The following SEC24B variants were observed in gnomAD, a reference collection of about 807,000 sequenced individuals.
The protein encoded by SEC24B is protein transport protein Sec24B.
SEC24B carries 45 observed loss-of-function variants against 142.8 expected under a neutral mutation model. The ratio of observed to expected loss-of-function variants is 0.32; its 90% CI spans 0.25 to 0.40. The LOEUF (loss-of-function observed/expected upper bound fraction) is 0.40, where lower values mean the gene tolerates loss of function less well. Among genes scored for constraint, SEC24B ranks in the 10% least tolerant of loss-of-function variants. The pLI is 1.00. For synonymous variants in SEC24B, 574 were observed against 568.2 expected (o/e 1.01, Z -0.15); for missense variants, 1,409 against 1,526.8 (o/e 0.92, Z 1.29).
At chr4:109,517,170 A>T (rs1723026189) in intron 11 of SEC24B, among the ~76,000 whole-genome samples, 1 of 152,238 alleles carries the variant, frequency 6.6e-6, no homozygotes, top group South Asian at 2.1e-4. Flanking sequence ...CTGCACTCCC[A>T]TGTTTATTGT....
At chr4:109,469,431 C>T (rs541726862) in intron 2 of SEC24B, among the ~76,000 whole-genome samples, 4 of 152,152 alleles carry the variant, frequency 2.6e-5, no homozygotes, top group African/African-American at 7.2e-5. Flanking sequence ...ATAAAGTTTG[C>T]AATTCACTTA....
Position 109,533,618 on chromosome 4 carries a change from G to C in SEC24B, c.3521G>C (p.Gly1174Ala), listed in dbSNP as rs1430970756. The change falls in exon 22 of 24, where the codon GGC (glycine) becomes GCC (alanine). Residue 1174 changes from glycine (G) to alanine (A), a missense_variant. Gly to Ala is a moderately conservative substitution (Grantham distance 60). Transcript: ENST00000265175. ...GTTTTTTACATTTGGGTTGGGAAAG[G>C]CTGTGACAATAACTTCATAGAGGAT... The part of the protein sequence containing the change: ...GSVFYIWVGK[G>A]CDNNFIEDVL... 2 of 1,610,918 alleles carry C rather than the reference G, an allele frequency of 1.2e-6. No individual in the cohort carries two copies.
At chr4:109,506,920 G>T (rs895099178) in intron 7 of SEC24B, among the ~76,000 whole-genome samples, 2 of 152,038 alleles carry the variant, frequency 1.3e-5, no homozygotes, top group African/African-American at 4.8e-5. Context: ...TCAAGAACAG[G>T]TTTAGATAAA....
At chr4:109,516,950 T>A (rs1026713531) in intron 11 of SEC24B, among the ~76,000 whole-genome samples, 1 of 152,094 alleles carries the variant, frequency 6.6e-6, no homozygotes, top group African/African-American at 2.4e-5. Flanking sequence ...GGAATCTGGA[T>A]GAGACTATCA....
chr4:109,516,636 G>C lies in SEC24B; in HGVS notation c.2122G>C (p.Asp708His). Residue 708 changes from aspartate to histidine, a missense_variant, in exon 11 of 24, where the codon GAC (aspartate) becomes CAC (histidine). Physicochemically the swap from Asp to His is moderately conservative, Grantham distance 81. Transcript: ENST00000265175. ...ILCQSLLENL[D>H]KLPGDSRTRI... ...GTGCCAGTCACTCCTAGAAAATCTA[G>C]ACAAGTAAGAATATTTTTAATTCAT... The C allele has an allele frequency of 6.5e-7, 1 of 1,548,680 alleles. No individual in the cohort carries two copies. The highest frequency in any genetic ancestry group is 1.4e-5 in the African/African-American group (1 of 73,438).
intron 7 of SEC24B, among the ~76,000 whole-genome samples, chr4:109,509,168 G>T (rs1412265326): frequency 1.3e-5 from 2 of 152,112 alleles, no homozygotes; most frequent in Non-Finnish European, 2.9e-5. Context: ...GGAATAAAAG[G>T]GTTCCAACCT....
intron 1 of SEC24B, among the ~76,000 whole-genome samples, chr4:109,434,369 C>T (rs1301741636): frequency 6.6e-6 from 1 of 152,150 alleles, no homozygotes; most frequent in Non-Finnish European, 1.5e-5. Context: ...AGCCTGGACG[C>T]GGGCGAGTTG....
chr4:109,460,740 T>C (rs1367209116), intron 1 of SEC24B, among the ~76,000 whole-genome samples: 1 of 151,134 alleles, frequency 6.6e-6, no homozygotes, highest in African/African-American at 2.4e-5. Flanking sequence ...TTTAGAACAG[T>C]GAATGGCATA....
Position 109,494,673 on chromosome 4 carries a change from T to G in SEC24B, c.1305T>G (p.Pro435=). The change falls in exon 6 of 24, where the codon CCT becomes CCG. Residue 435 remains proline, a synonymous_variant. Coordinates refer to ENST00000265175, the MANE Select transcript of SEC24B (RefSeq NM_006323.5). ...CTGATCCCGCCCCTGAACCTGATCC[T>G]GCTTCTGCTCCAGCTCCAGCTTCAG... is the stretch of plus-strand genomic sequence containing the variant. The part of the protein sequence containing the change: ...PAPDPAPEPD[P]ASAPAPASAP... The G allele has an allele frequency of 1.9e-6, 3 of 1,613,920 alleles. No individual in the cohort carries two copies. The highest frequency in any genetic ancestry group is 2.5e-6 in the Non-Finnish European group (3 of 1,179,776).
chr4:109,525,820 C>A (rs141810821), intron 16 of SEC24B, among the ~76,000 whole-genome samples: 2 of 151,982 alleles, frequency 1.3e-5, no homozygotes, highest in East Asian at 3.9e-4. Flanking sequence ...AGGGTCTTTG[C>A]CTTCATAATC....
intron 22 of SEC24B, among the ~76,000 whole-genome samples, chr4:109,536,462 G>T (rs1725548601): frequency 6.6e-6 from 1 of 152,110 alleles, no homozygotes; most frequent in Non-Finnish European, 1.5e-5. Context: ...CTTTCAAATG[G>T]ATCAAACATT....
At chr4:109,504,173 G>A (rs76223996) in intron 6 of SEC24B, among the ~76,000 whole-genome samples, 1 of 151,978 alleles carries the variant, frequency 6.6e-6, no homozygotes, top group African/African-American at 2.4e-5. Context: ...TTCTTGCTGA[G>A]GATTTTAAAA....
At chr4:109,520,158 C>T (rs1309573596) in intron 11 of SEC24B, among the ~76,000 whole-genome samples, 1 of 152,164 alleles carries the variant, frequency 6.6e-6, no homozygotes, top group East Asian at 1.9e-4. Flanking sequence ...GCAAGATATA[C>T]TATTGTTCTA....
At chr4:109,449,414 TAG>T in intron 1 of SEC24B, 16 of 359,786 alleles carry the variant, frequency 4.4e-5, no homozygotes, top group East Asian at 8.5e-5. Flanking sequence ...TTTTTTTTTG[TAG>T]AGACGGGATT....
chr4:109,474,057 G>A (rs1342976502), intron 3 of SEC24B, among the ~76,000 whole-genome samples: 2 of 152,168 alleles, frequency 1.3e-5, no homozygotes, highest in Non-Finnish European at 2.9e-5. Context: ...GCTTGTATCT[G>A]TTGAGTGTCT....
chr4:109,520,578 A>T (rs527864267), intron 12 of SEC24B, 94 bp downstream of exon 12: 1 of 772,666 alleles, frequency 1.3e-6, no homozygotes, highest in African/African-American at 1.7e-5. Flanking sequence ...TGCTGTGAGG[A>T]TAATGTCATG....
intron 19 of SEC24B, 76 bp from the exon 20 acceptor site, chr4:109,531,309 G>A (rs41277041): frequency 0.035 from 42,988 of 1,211,850 alleles, 968 homozygotes; most frequent in Non-Finnish European, 0.043. Flanking sequence ...TTCCATGATT[G>A]ACAGTGTATA....
chr4:109,528,955 G>T (rs1196664771), intron 18 of SEC24B, among the ~76,000 whole-genome samples: 2 of 152,198 alleles, frequency 1.3e-5, no homozygotes, highest in Non-Finnish European at 2.9e-5. Context: ...TTAACTTCAG[G>T]AGTTCAAGAC....
chr4:109,514,807 A>G (rs899338239), intron 10 of SEC24B, among the ~76,000 whole-genome samples: 1 of 152,242 alleles, frequency 6.6e-6, no homozygotes, highest in Non-Finnish European at 1.5e-5. Flanking sequence ...AGCGATGTGC[A>G]TTAAATTTTT....
Sources: allele counts gnomAD v4.1 joint callset (sites outside exome capture counted in the v4.1 genomes callset), GRCh38; gene constraint gnomAD v4.1.1; transcripts MANE v1.5; gene names NCBI Gene and HGNC (gene_info 2026-07-23, HGNC 2026-07-21).